Variants in PLD1 observed in about 807,000 individuals in gnomAD.
The protein encoded by PLD1 is choline phosphatase 1.
Under a neutral mutation model 137.1 loss-of-function variants are expected in PLD1, and 112 were observed. The observed-to-expected ratio is 0.82, with a 90% confidence interval of 0.70 to 0.96. PLD1 has a LOEUF of 0.96. Ranked by LOEUF, PLD1 falls within the 40% of genes least tolerant of loss-of-function variation. The probability of loss-of-function intolerance (pLI) is 0.00; values close to 1 mark genes in which losing one functional copy is unlikely to be tolerated. For missense variants in PLD1, 1,321 were observed against 1,342.0 expected, an observed-to-expected ratio of 0.98 and a Z score of 0.24; for synonymous variants, 431 against 454.7, an observed-to-expected ratio of 0.95 and a Z score of 0.66.
chr3:171,778,695 A>G (rs752984825), intron 1 of PLD1, among the ~76,000 whole-genome samples: 29 of 152,396 alleles, frequency 1.9e-4, no homozygotes, highest in Admixed American at 5.9e-4. Context: ...AGGCCAGTGT[A>G]GTCAGTGCTG....
At chr3:171,696,946 G>A (rs546281718) in intron 12 of PLD1, among the ~76,000 whole-genome samples, 7 of 152,188 alleles carry the variant, frequency 4.6e-5, no homozygotes, top group African/African-American at 9.7e-5. Flanking sequence ...TGGTGTTCAC[G>A]AGGGACCTCG....
At chr3:171,696,667 T>A (rs1480990412) in intron 12 of PLD1, among the ~76,000 whole-genome samples, 1 of 152,228 alleles carries the variant, frequency 6.6e-6, no homozygotes, top group South Asian at 2.1e-4. Flanking sequence ...AAATTATTTA[T>A]GTGAAGCCAT....
At chr3:171,690,011 T>C (rs868786319) in intron 13 of PLD1, among the ~76,000 whole-genome samples, 2 of 152,336 alleles carry the variant, frequency 1.3e-5, no homozygotes, top group Middle Eastern at 3.4e-3. Flanking sequence ...ACCAGGTCCC[T>C]GGCTTTTCAT....
At position 171,764,929 on chromosome 3, in the gene PLD1, GAAAGGAAAGAAAGAAAGAAAGAAAGAAA is replaced by G. The variant is rs1721817831; in HGVS notation, c.-31-26875_-31-26848del. ...GAAGGAAGGAAAGAAAGAAAGGAAA[GAAAGGAAAGAAAGAAAGAAAGAAAGAAA>G]GAAAGAAAGAAAGAAAGAAAGAAAG... On this transcript the variant is annotated intron_variant, in intron 1 of 26. Transcript: ENST00000351298. 2.3e-4 allele frequency among the ~76,000 whole-genome samples: 3 copies of G among 12,822 alleles called. 1 individual carries two copies. The highest frequency in any genetic ancestry group is 1.7e-4 in the Non-Finnish European group (1 of 6,052). 8.4% of individuals were successfully genotyped at this position (12,822 alleles called of 152,430 possible).
At chr3:171,708,726 G>GA (rs1243100786) in intron 11 of PLD1, 29 bp downstream of exon 11, 4 of 1,254,628 alleles carry the variant, frequency 3.2e-6, no homozygotes, top group Non-Finnish European at 4.7e-6. Context: ...GAGACTTCCA[G>GA]AAAAAAATTC....
At chr3:171,747,619 C>A (rs1720335818) in intron 1 of PLD1, among the ~76,000 whole-genome samples, 1 of 152,082 alleles carries the variant, frequency 6.6e-6, no homozygotes, top group African/African-American at 2.4e-5. Context: ...TTTTTCTGAA[C>A]CATCCTGGCT....
chr3:171,602,637 T>A lies in PLD1; in HGVS notation c.*441A>T, dbSNP rs1731909293. ...CATTACAACATCTAATAATAAACAA[T>A]CTCTCAAACAGTGCCTGTATGAACT... On this transcript the variant is annotated 3_prime_UTR_variant, in exon 27 of 27. Coordinates refer to ENST00000351298, the MANE Select transcript of PLD1 (RefSeq NM_002662.5). 5.7e-6 allele frequency: 1 copy of A among 174,020 alleles called. No individual in the cohort carries two copies. 10.8% of individuals were successfully genotyped at this position (174,020 alleles called of 1,614,324 possible). A position where few individuals can be genotyped will look rare whatever the true frequency, so the allele number is the denominator to read the frequency against.
rs766115712 is a variant in PLD1 at position 171,645,043 on chromosome 3, A to C, written c.2430-20T>G. ...TTTTCCCTGCAAAGGTCAGATGCAG[A>C]GAAATTCACCCAAAAAATAAAAGGT... On this transcript the variant is annotated intron_variant, in intron 21 of 26. Coordinates refer to ENST00000351298, the MANE Select transcript of PLD1 (RefSeq NM_002662.5). 1.4e-6 allele frequency: 2 copies of C among 1,473,340 alleles called. No homozygotes were observed. The highest frequency in any genetic ancestry group is 2.3e-5 in the South Asian group (2 of 88,296). 91.3% of individuals were successfully genotyped at this position (1,473,340 alleles called of 1,614,324 possible).
chr3:171,731,811 C>A (rs1718972009), intron 6 of PLD1, among the ~76,000 whole-genome samples: 2 of 152,026 alleles, frequency 1.3e-5, no homozygotes, highest in Non-Finnish European at 2.9e-5. Context: ...AGAATCTATT[C>A]ACAGTCAGTT....
intron 9 of PLD1, 48 bp downstream of exon 9, chr3:171,713,845 T>G (rs1458472353): frequency 6.6e-7 from 1 of 1,511,182 alleles, no homozygotes; most frequent in East Asian, 2.3e-5. Flanking sequence ...AAAAAATGTT[T>G]TTAAGGCATT....
At chr3:171,680,614 C>G (rs928325488) in intron 16 of PLD1, among the ~76,000 whole-genome samples, 1 of 152,216 alleles carries the variant, frequency 6.6e-6, no homozygotes, top group Non-Finnish European at 1.5e-5. Flanking sequence ...TCTAAGGTCA[C>G]TTCCAGTGCC....
intron 14 of PLD1, 142 bp downstream of exon 14, chr3:171,688,531 TGTC>T: frequency 1.5e-6 from 1 of 676,926 alleles, no homozygotes; most frequent in Non-Finnish European, 2.6e-6. Context: ...AAACCAGGTC[TGTC>T]TCATGATTGA....
chr3:171,763,826 C>CTTTTTTTTT (rs1560286921), intron 1 of PLD1, among the ~76,000 whole-genome samples: 1 of 110,314 alleles, frequency 9.1e-6, no homozygotes, highest in African/African-American at 3.4e-5. Context: ...TATTTTCTTT[C>CTTTTTTTTT]TTTCTTTTTT....
intron 24 of PLD1, among the ~76,000 whole-genome samples, chr3:171,616,467 T>C (rs1358754367): frequency 2.0e-5 from 3 of 152,162 alleles, no homozygotes; most frequent in African/African-American, 7.2e-5. Flanking sequence ...ACTAAGGCTG[T>C]ATATGGAATT....
At chr3:171,735,406 G>T in intron 4 of PLD1, 86 bp downstream of exon 4, 1 of 1,120,764 alleles carries the variant, frequency 8.9e-7, no homozygotes, top group South Asian at 1.3e-5. Context: ...AAAGTGGTGA[G>T]ATTACAGGTG....
chr3:171,704,735 A>G (rs6781809), intron 11 of PLD1, among the ~76,000 whole-genome samples: 14,857 of 152,192 alleles, frequency 0.098, 2,134 homozygotes, highest in African/African-American at 0.32. Context: ...CCCAAACCTC[A>G]CAGGATAGGC....
intron 23 of PLD1, among the ~76,000 whole-genome samples, chr3:171,641,845 G>T (rs1735775129): frequency 6.6e-6 from 1 of 152,120 alleles, no homozygotes; most frequent in African/African-American, 2.4e-5. Context: ...TCAGTTTGAT[G>T]AATTTGCTCC....
intron 12 of PLD1, among the ~76,000 whole-genome samples, chr3:171,694,445 C>T (rs919782316): frequency 2.6e-5 from 4 of 151,920 alleles, no homozygotes; most frequent in African/African-American, 9.7e-5. Flanking sequence ...TAATTAACCA[C>T]TGATGAAGGG....
chr3:171,798,923 T>A (rs915429570), intron 1 of PLD1, among the ~76,000 whole-genome samples: 2 of 152,178 alleles, frequency 1.3e-5, no homozygotes, highest in Non-Finnish European at 2.9e-5. Flanking sequence ...CACAAAGGTT[T>A]CATGGGTAGC....
Sources: allele counts gnomAD v4.1 joint callset (sites outside exome capture counted in the v4.1 genomes callset), GRCh38; gene constraint gnomAD v4.1.1; transcripts MANE v1.5; gene names NCBI Gene and HGNC (gene_info 2026-07-23, HGNC 2026-07-21).